Variants in XRRA1 observed in about 807,000 individuals in gnomAD.
XRRA1 encodes X-ray radiation resistance-associated protein 1.
In XRRA1, 69 loss-of-function variants were observed where a neutral mutation model predicts 80.2. That is an observed-to-expected ratio of 0.86 (90% CI 0.71 to 1.05). The LOEUF (loss-of-function observed/expected upper bound fraction) is 1.05, where lower values mean the gene tolerates loss of function less well. Ranked by LOEUF, XRRA1 falls within the 50% of genes least tolerant of loss-of-function variation. The probability of loss-of-function intolerance (pLI) is 0.00; values close to 1 mark genes in which losing one functional copy is unlikely to be tolerated. For synonymous variants in XRRA1, 348 were observed against 389.9 expected (o/e 0.89, Z 1.27); for missense variants, 967 against 976.4 (o/e 0.99, Z 0.13).
chr11:74,875,494 G>A (rs922129701), intron 10 of XRRA1, among the ~76,000 whole-genome samples: 7 of 152,180 alleles, frequency 4.6e-5, no homozygotes, highest in Non-Finnish European at 7.3e-5. Context: ...CTTGGGAAAG[G>A]ATAAAACTTA....
chr11:74,849,609 A>T (rs2135497951), intron 14 of XRRA1, among the ~76,000 whole-genome samples: 1 of 152,190 alleles, frequency 6.6e-6, no homozygotes, highest in Middle Eastern at 3.4e-3. Context: ...TGGCTCTGTG[A>T]GAGAGATGTG....
In XRRA1 at chr11:74,940,867, T is replaced by A; in HGVS notation, c.12A>T (p.Ser4=). 1.9e-6 allele frequency: 3 copies of A among 1,607,672 alleles called. No individual in the cohort carries two copies. The highest frequency in any genetic ancestry group is 2.5e-6 in the Non-Finnish European group (3 of 1,177,118). ...TCCCATCATCCAGCTTGTAGATTCC[T>A]GAGAAGGCCATCTCCCTGAGAGCCA... The part of the protein sequence containing the change: MAF[S]GIYKLDDGKP... Residue 4 remains serine (S), a synonymous_variant, in exon 3 of 19, where the codon TCA becomes TCT. Transcript: ENST00000684022.
At position 74,883,704 on chromosome 11, in the gene XRRA1, T is replaced by A. The variant is rs146810947; in HGVS notation, c.1004-20683A>T. Among the ~76,000 whole-genome samples the A allele has an allele frequency of 7.6e-4, 116 of 152,334 alleles. 1 individual carries two copies. Among genetic ancestry groups the A allele is most frequent in the African/African-American group, 2.7e-3 (114 of 41,576 alleles). ...GATCAACTCCAGAAGGAGCCTTAGC[T>A]GCTGTTCCCCACATGATGCCCCTCT... On this transcript the variant is annotated intron_variant, in intron 10 of 18. Transcript: ENST00000684022.
At position 74,842,462 on chromosome 11, in the gene XRRA1, A is replaced by AAAAC. The variant is rs1475323718; in HGVS notation, c.*734_*737dup. 6.6e-6 allele frequency: 1 copy of AAAAC among 152,234 alleles called. No homozygotes were observed. Among genetic ancestry groups the AAAAC allele is most frequent in the East Asian group, 1.9e-4 (1 of 5,200 alleles). 9.4% of individuals were successfully genotyped at this position (152,234 alleles called of 1,614,324 possible). On this transcript the variant is annotated 3_prime_UTR_variant, in exon 19 of 19. Transcript: ENST00000684022. ...TGTCTCTGGTGAACAATCTCAGACAAAAACATGGGTTAAGCTTAGGCTGTG... is the reference window on the plus strand; with the variant it reads ...TGTCTCTGGTGAACAATCTCAGACAAAAACAAACATGGGTTAAGCTTAGGCTGTG...
intron 14 of XRRA1, among the ~76,000 whole-genome samples, chr11:74,850,147 CT>C (rs1186062837): frequency 6.6e-6 from 1 of 152,148 alleles, no homozygotes; most frequent in African/African-American, 2.4e-5. Flanking sequence ...GAGGGGTCCC[CT>C]AGGACCCACA....
At chr11:74,884,199 C>T (rs2048449671) in intron 10 of XRRA1, among the ~76,000 whole-genome samples, 1 of 152,128 alleles carries the variant, frequency 6.6e-6, no homozygotes, top group African/African-American at 2.4e-5. Context: ...AAAGAGAAGC[C>T]TGAAAAATCA....
rs75480027 is a variant in XRRA1 at position 74,843,815 on chromosome 11, A to T, written c.2149+39T>A. 7,470 of 1,559,028 alleles carry T rather than the reference A, an allele frequency of 4.8e-3. 291 individuals carry two copies. In the African/African-American group the frequency reaches 0.088, roughly 18 times the overall value. On this transcript the variant is annotated intron_variant, in intron 18 of 18. Coordinates refer to ENST00000684022, the MANE Select transcript of XRRA1 (RefSeq NM_001378157.1). ...CTTTGCCTTTAGCCAGCAGGCGTGA[A>T]CTGGATCTGGGATCCTGGCAGCTGT...
At chr11:74,863,052 G>A in intron 10 of XRRA1, 31 bp from the exon 11 acceptor site, 1 of 1,588,774 alleles carries the variant, frequency 6.3e-7, no homozygotes, top group Non-Finnish European at 8.6e-7. Context: ...AATGAAGGTT[G>A]GTGAGACCGC....
At position 74,887,564 on chromosome 11, in the gene XRRA1, G is replaced by A. The variant is rs139445022; in HGVS notation, c.1003+18675C>T. Among the ~76,000 whole-genome samples, 713 of 152,270 alleles carry A rather than the reference G, an allele frequency of 4.7e-3. 5 individuals are homozygous for A. The highest frequency in any genetic ancestry group is 0.016 in the African/African-American group (657 of 41,548). On this transcript the variant is annotated intron_variant, in intron 10 of 18. Coordinates refer to ENST00000684022, the MANE Select transcript of XRRA1 (RefSeq NM_001378157.1). ...GGGGTTCATCTCACTGGGGAGTGTC[G>A]GAAAGTGGGTGCAGGACAGTGGGTG...
chr11:74,939,872 A>AGAGAGAGAGAGAGCGAGAGC (rs1945961569), intron 3 of XRRA1, among the ~76,000 whole-genome samples: 2 of 150,454 alleles, frequency 1.3e-5, no homozygotes, highest in African/African-American at 4.9e-5. Flanking sequence ...AGCGAGAGCA[A>AGAGAGAGAGAGAGCGAGAGC]GAGAGAGAGA....
chr11:74,912,835 C>T (rs572177475), intron 8 of XRRA1, among the ~76,000 whole-genome samples: 2 of 152,298 alleles, frequency 1.3e-5, no homozygotes, highest in East Asian at 3.9e-4. Context: ...TGCTCAAGAG[C>T]TCAATATGCC....
At chr11:74,942,372 G>A (rs1946500629) in intron 2 of XRRA1, among the ~76,000 whole-genome samples, 1 of 152,192 alleles carries the variant, frequency 6.6e-6, no homozygotes. Context: ...AATACAAAAA[G>A]TGAATATAAG....
At chr11:74,921,694 C>G (rs1179472151) in intron 7 of XRRA1, among the ~76,000 whole-genome samples, 1 of 152,190 alleles carries the variant, frequency 6.6e-6, no homozygotes, top group Non-Finnish European at 1.5e-5. Flanking sequence ...CAAAAGCTGC[C>G]TCCTTGTAAA....
rs2054571087 is a variant in XRRA1 at position 74,906,266 on chromosome 11, G to A, written c.976C>T (p.Pro326Ser). 6.8e-6 allele frequency: 11 copies of A among 1,613,766 alleles called. No individual in the cohort carries two copies. Among genetic ancestry groups the A allele is most frequent in the Non-Finnish European group, 9.3e-6 (11 of 1,179,884 alleles). ...GTCCGGTCAACATCCTTTTTCATGG[G>A]CAGTACAGTATAATCCAGTTGCTCA... ...SDEQLDYTVL[P>S]MKKDVDRTEV... Residue 326 changes from proline (P) to serine (S), a missense_variant, in exon 10 of 19, where the codon CCC becomes TCC. Coordinates refer to ENST00000684022, the MANE Select transcript of XRRA1 (RefSeq NM_001378157.1).
In XRRA1 at chr11:74,881,877, G is replaced by A. The variant is rs1264695494; in HGVS notation, c.1004-18856C>T. On this transcript the variant is annotated intron_variant, in intron 10 of 18. Transcript: ENST00000684022. Reference sequence around the variant, plus strand: ...TTGTAGGGTTTCTGCCGAGAGATCCGCTGTTAGTCTGATGGGCTTCCCTTT... The same window carrying A: ...TTGTAGGGTTTCTGCCGAGAGATCCACTGTTAGTCTGATGGGCTTCCCTTT... Among the ~76,000 whole-genome samples the A allele has an allele frequency of 9.0e-4, 135 of 149,278 alleles. 2 individuals carry two copies. The highest frequency in any genetic ancestry group is 3.2e-3 in the African/African-American group (127 of 40,110).
At chr11:74,874,007 G>A (rs1437763817) in intron 10 of XRRA1, among the ~76,000 whole-genome samples, 2 of 151,916 alleles carry the variant, frequency 1.3e-5, no homozygotes, top group African/African-American at 4.8e-5. Context: ...GGAGGCCGAG[G>A]TGGGCGGATC....
chr11:74,923,520 C>A (rs1941449770), intron 7 of XRRA1, among the ~76,000 whole-genome samples: 1 of 152,210 alleles, frequency 6.6e-6, no homozygotes, highest in Admixed American at 6.5e-5. Flanking sequence ...ATTCTATCTA[C>A]CTCCTTAATA....
rs1018543763 is a variant in XRRA1, at chr11:74,841,087, T to A, written c.*2113A>T. On this transcript the variant is annotated 3_prime_UTR_variant, in exon 19 of 19. Transcript: ENST00000684022. ...GAATGTGGAATCTTGGAAAGTGATA[T>A]ATTTTGATTGGAATAATTTTAATTA... is the stretch of plus-strand genomic sequence containing the variant. The A allele has an allele frequency of 1.3e-5, 2 of 152,152 alleles. No individual in the cohort carries two copies. Among genetic ancestry groups the A allele is most frequent in the African/African-American group, 4.8e-5 (2 of 41,438 alleles). The allele number at this position is 152,152 out of a possible 1,614,324, so 9.4% of individuals were successfully genotyped here.
chr11:74,878,603 C>T (rs1293412046), intron 10 of XRRA1, among the ~76,000 whole-genome samples: 5 of 151,184 alleles, frequency 3.3e-5, no homozygotes, highest in Admixed American at 6.6e-5. Context: ...TTAGGTCTAA[C>T]GTTTAAGTCT....
Sources: gnomAD v4.1 joint callset for allele counts (sites outside exome capture counted in the v4.1 genomes callset) on GRCh38, gnomAD v4.1.1 for gene constraint, MANE v1.5 for transcripts, NCBI Gene and HGNC (gene_info 2026-07-23, HGNC 2026-07-21) for gene names.